Variants in CDK19 observed in about 807,000 individuals in gnomAD.
CDK19 encodes the protein cyclin-dependent kinase 19.
Under a neutral mutation model 68.3 loss-of-function variants are expected in CDK19, and 20 were observed. That is an observed-to-expected ratio of 0.29 (90% CI 0.21 to 0.43). The LOEUF is 0.43. Among genes scored for constraint, CDK19 ranks in the 20% least tolerant of loss-of-function variants. The pLI is 1.00. For synonymous variants in CDK19, 221 were observed against 222.8 expected, an observed-to-expected ratio of 0.99 and a Z score of 0.07; for missense variants, 339 against 623.5, an observed-to-expected ratio of 0.54 and a Z score of 4.86.
chr6:110,747,887 G>C (rs1390207297), intron 1 of CDK19, among the ~76,000 whole-genome samples: 4 of 152,306 alleles, frequency 2.6e-5, no homozygotes, highest in African/African-American at 9.6e-5. Flanking sequence ...TCAAAGCCAA[G>C]TGTCCCTCCT....
chr6:110,811,709 C>G (rs904845040), intron 1 of CDK19, among the ~76,000 whole-genome samples: 1 of 151,916 alleles, frequency 6.6e-6, no homozygotes, highest in African/African-American at 2.4e-5. Flanking sequence ...TTAAAAAGTT[C>G]AGAAATATTC....
rs1193153984 is a variant in CDK19, at chr6:110,690,520, A to G, written c.205-19979T>C. Among the ~76,000 whole-genome samples the G allele has an allele frequency of 2.0e-5, 3 of 152,342 alleles. No homozygotes were observed. In the East Asian group the frequency reaches 5.8e-4, roughly 29 times the overall value. On this transcript the variant is annotated intron_variant, in intron 2 of 12. Transcript: ENST00000368911. Reference sequence around the variant, plus strand: ...ATTGCATTTACCCAACTGCTTGAGCACAATGGGTTTCTACCCAAGGACACC... The same window carrying G: ...ATTGCATTTACCCAACTGCTTGAGCGCAATGGGTTTCTACCCAAGGACACC...
chr6:110,646,145 C>A, intron 4 of CDK19: 1 of 955,642 alleles, frequency 1.0e-6, no homozygotes, highest in Non-Finnish European at 1.6e-6. Flanking sequence ...ACACCTTCGG[C>A]ATGGAGAGCA....
At chr6:110,629,642 C>A (rs1004304408) in intron 6 of CDK19, among the ~76,000 whole-genome samples, 66 of 152,298 alleles carry the variant, frequency 4.3e-4, no homozygotes, top group African/African-American at 1.5e-3. Context: ...ACATGAGGCA[C>A]CTTGCCCGGC....
chr6:110,638,896 C>A (rs750085722), intron 4 of CDK19, among the ~76,000 whole-genome samples, 190 bp from the exon 5 acceptor site: 28 of 152,294 alleles, frequency 1.8e-4, no homozygotes, highest in Non-Finnish European at 4.0e-4. Flanking sequence ...ATATGAACAT[C>A]CTTGCTATGG....
intron 1 of CDK19, among the ~76,000 whole-genome samples, chr6:110,808,053 G>GA (rs1369543910): frequency 6.6e-6 from 1 of 151,906 alleles, no homozygotes; most frequent in Non-Finnish European, 1.5e-5. Flanking sequence ...CCTGTAACTT[G>GA]AAAAAAGACA....
chr6:110,711,573 G>A lies in CDK19; in HGVS notation c.204+34553C>T, dbSNP rs77957755. On this transcript the variant is annotated intron_variant, in intron 2 of 12. Coordinates refer to ENST00000368911, the MANE Select transcript of CDK19 (RefSeq NM_015076.5). Reference sequence around the variant, plus strand: ...GTGTAGCAAAAAGAAAAAAAAAATCGCTGGAAGACAACAATATGACACTTG... The same window carrying A: ...GTGTAGCAAAAAGAAAAAAAAAATCACTGGAAGACAACAATATGACACTTG... Among the ~76,000 whole-genome samples, 693 of 152,110 alleles carry A rather than the reference G, an allele frequency of 4.6e-3. 8 individuals are homozygous for A. Among genetic ancestry groups the A allele is most frequent in the East Asian group, 0.044 (228 of 5,182 alleles).
At chr6:110,730,770 G>C (rs554968318) in intron 2 of CDK19, among the ~76,000 whole-genome samples, 2 of 152,112 alleles carry the variant, frequency 1.3e-5, no homozygotes, top group African/African-American at 4.8e-5. Flanking sequence ...TTAGAGTATC[G>C]GCTGGGCACA....
In CDK19 at chr6:110,610,070, G is replaced by A. The variant is rs1015183119; in HGVS notation, c.*4465C>T. On this transcript the variant is annotated 3_prime_UTR_variant, in exon 13 of 13. Transcript: ENST00000368911. ...AACAGTCATTTCAAGAAGGAAGTCA[G>A]GTCAACTCAAAAGCAGGAAACCCTC... 1.3e-5 allele frequency: 2 copies of A among 152,194 alleles called. No individual in the cohort carries two copies. Among genetic ancestry groups the A allele is most frequent in the African/African-American group, 4.8e-5 (2 of 41,446 alleles). 9.4% of individuals were successfully genotyped at this position (152,194 alleles called of 1,614,324 possible). A position where few individuals can be genotyped will look rare whatever the true frequency, so the allele number is the denominator to read the frequency against.
intron 1 of CDK19, among the ~76,000 whole-genome samples, chr6:110,777,637 T>A (rs1438762745): frequency 6.6e-6 from 1 of 152,202 alleles, no homozygotes; most frequent in Admixed American, 6.5e-5. Flanking sequence ...CAGTTCCACT[T>A]CTGGGTATGG....
chr6:110,739,580 G>A (rs959242805), intron 2 of CDK19, among the ~76,000 whole-genome samples: 15 of 151,616 alleles, frequency 9.9e-5, no homozygotes, highest in Non-Finnish European at 2.9e-5. Flanking sequence ...GAAATATCTC[G>A]ATGTTGTTAG....
intron 2 of CDK19, among the ~76,000 whole-genome samples, chr6:110,706,052 C>CTTGT (rs1010479143): frequency 3.7e-4 from 56 of 151,782 alleles, no homozygotes; most frequent in African/African-American, 1.2e-3. Context: ...GTTTTGTTTT[C>CTTGT]TTGTTTGTTT....
chr6:110,741,801 CCAA>C (rs1777692777), intron 2 of CDK19, among the ~76,000 whole-genome samples: 1 of 152,108 alleles, frequency 6.6e-6, no homozygotes, highest in Admixed American at 6.6e-5. Flanking sequence ...AATTCTACAT[CCAA>C]CAACACTAAT....
At chr6:110,659,250 T>C (rs1000810774) in intron 4 of CDK19, among the ~76,000 whole-genome samples, 1 of 152,258 alleles carries the variant, frequency 6.6e-6, no homozygotes, top group Non-Finnish European at 1.5e-5. Context: ...CTATGCTGCA[T>C]GCAGAGATTT....
chr6:110,791,108 T>C (rs1202369461), intron 1 of CDK19, among the ~76,000 whole-genome samples: 5 of 151,770 alleles, frequency 3.3e-5, no homozygotes, highest in African/African-American at 1.2e-4. Context: ...GAGGCGGAGG[T>C]TGCAGTGAGC....
chr6:110,789,360 C>A (rs1359569974), intron 1 of CDK19, among the ~76,000 whole-genome samples: 1 of 151,984 alleles, frequency 6.6e-6, no homozygotes, highest in African/African-American at 2.4e-5. Flanking sequence ...CTCACTGCAA[C>A]CTCCACTTCC....
At chr6:110,725,466 G>A (rs1776251791) in intron 2 of CDK19, among the ~76,000 whole-genome samples, 1 of 151,638 alleles carries the variant, frequency 6.6e-6, no homozygotes, top group Admixed American at 6.6e-5. Flanking sequence ...GCATAAAATG[G>A]GTAACACAAT....
At chr6:110,789,714 T>A (rs1202719130) in intron 1 of CDK19, among the ~76,000 whole-genome samples, 1 of 152,214 alleles carries the variant, frequency 6.6e-6, no homozygotes, top group African/African-American at 2.4e-5. Context: ...CTGGCCAAAT[T>A]TTAACTTTTT....
chr6:110,638,855 A>C (rs975880926), intron 4 of CDK19, 149 bp from the exon 5 acceptor site: 7 of 540,164 alleles, frequency 1.3e-5, no homozygotes, highest in Middle Eastern at 4.8e-4. Flanking sequence ...TAGTTAAAGC[A>C]TTTGACATAA....
Sources: allele counts gnomAD v4.1 joint callset (sites outside exome capture counted in the v4.1 genomes callset), GRCh38; gene constraint gnomAD v4.1.1; transcripts MANE v1.5; gene names NCBI Gene and HGNC (gene_info 2026-07-23, HGNC 2026-07-21).